The following C2CD3 variants were observed in gnomAD, a reference collection of about 807,000 sequenced individuals.
C2CD3 encodes C2 domain containing 3 centriole elongation regulator, also known as C2 domain-containing protein 3.
Under a neutral mutation model 234.0 loss-of-function variants are expected in C2CD3, and 148 were observed. The observed-to-expected ratio is 0.63, with a 90% CI of 0.55 to 0.72. The LOEUF (loss-of-function observed/expected upper bound fraction) is 0.72. Among genes scored for constraint, C2CD3 ranks in the 30% least tolerant of loss-of-function variants. The pLI is 0.00. For missense variants in C2CD3, 2,577 were observed against 2,811.5 expected (o/e 0.92, Z 1.89); for synonymous variants, 1,000 against 1,035.4 (o/e 0.97, Z 0.66).
In C2CD3 at chr11:74,123,094, G is replaced by C. The variant is rs147709320; in HGVS notation, c.1259C>G (p.Ser420Cys). 3 of 1,612,906 alleles carry C rather than the reference G, an allele frequency of 1.9e-6. No individual in the cohort carries two copies. Among genetic ancestry groups the C allele is most frequent in the Admixed American group, 1.7e-5 (1 of 60,006 alleles). Residue 420 changes from serine to cysteine, a missense_variant, in exon 8 of 33, where the codon TCT (serine) becomes TGT (cysteine). Physicochemically the swap from Ser to Cys is moderately radical, Grantham distance 112. Coordinates refer to ENST00000334126, the MANE Select transcript of C2CD3 (RefSeq NM_001286577.2). ...SQGNFWDGLG[S>C]PPDSPSPGSD... ...CCCAGGAGATGGGGAATCTGGAGGA[G>C]AGCCTAGCCCATCCCAGAAATTGCC... is the stretch of plus-strand genomic sequence containing the variant.
At position 74,103,409 on chromosome 11, in the gene C2CD3, G is replaced by T; in HGVS notation, c.2302C>A (p.Arg768=). 1 of 1,614,120 alleles carries T rather than the reference G, an allele frequency of 6.2e-7. No homozygotes were observed. The highest frequency in any genetic ancestry group is 8.5e-7 in the Non-Finnish European group (1 of 1,180,024). ...KKAQNLVLPN[R]KSPSPVAPHP... ...GGTGCTACAGGGCTTGGTGACTTTC[G>T]GTTGGGGAGCACCAAGTTCTGTGCT... Residue 768 remains arginine, a synonymous_variant, in exon 14 of 33, where the codon CGA becomes AGA. Transcript: ENST00000334126.
intron 25 of C2CD3, among the ~76,000 whole-genome samples, chr11:74,055,630 C>T (rs573329828): frequency 4.9e-4 from 74 of 152,240 alleles, no homozygotes; most frequent in Non-Finnish European, 9.6e-4. Context: ...GCTAGCTCTG[C>T]TATTATCACC....
At position 74,150,526 on chromosome 11, in the gene C2CD3, AC is replaced by A. The variant is rs1169500894; in HGVS notation, c.484-10699del. 8.4e-3 allele frequency among the ~76,000 whole-genome samples: 485 copies of A among 57,588 alleles called. 50 individuals carry two copies. Among genetic ancestry groups the A allele is most frequent in the African/African-American group, 0.028 (365 of 12,838 alleles). 37.8% of individuals were successfully genotyped at this position (57,588 alleles called of 152,430 possible). The stretch of plus-strand genomic sequence containing the variant: ...AAAAAAAAAAAAAAACAAAAAAAAA[AC>A]AAAACAAATTTCTAAGCTTTTTAAA... On this transcript the variant is annotated intron_variant, in intron 3 of 32. Transcript: ENST00000334126.
intron 7 of C2CD3, 25 bp from the exon 8 acceptor site, chr11:74,123,160 G>C (rs780434098): frequency 2.1e-5 from 34 of 1,588,896 alleles, no homozygotes; most frequent in Non-Finnish European, 2.9e-5. Context: ...AAACAAAGCA[G>C]AAGAATTTTA....
At chr11:74,039,279 G>A (rs1469130244) in intron 29 of C2CD3, among the ~76,000 whole-genome samples, 4 of 152,190 alleles carry the variant, frequency 2.6e-5, no homozygotes, top group African/African-American at 9.7e-5. Flanking sequence ...TGAAACACAG[G>A]TTTATTAATA....
At chr11:74,057,381 C>G in intron 25 of C2CD3, 25 bp downstream of exon 25, 1 of 1,613,514 alleles carries the variant, frequency 6.2e-7, no homozygotes, top group African/African-American at 1.3e-5. Flanking sequence ...TTCTGGAAGG[C>G]TGACGAATAA....
intron 24 of C2CD3, among the ~76,000 whole-genome samples, chr11:74,064,776 C>T (rs1305362058): frequency 6.6e-6 from 1 of 152,184 alleles, no homozygotes; most frequent in Non-Finnish European, 1.5e-5. Flanking sequence ...CACACATCTA[C>T]AACCATCTGA....
intron 13 of C2CD3, among the ~76,000 whole-genome samples, chr11:74,105,868 C>T (rs1020811025): frequency 1.3e-5 from 2 of 152,172 alleles, no homozygotes; most frequent in African/African-American, 4.8e-5. Flanking sequence ...CAGATGATGT[C>T]AGTCCCATGC....
chr11:74,153,495 T>C (rs1855813260), intron 3 of C2CD3, among the ~76,000 whole-genome samples: 1 of 152,188 alleles, frequency 6.6e-6, no homozygotes, highest in African/African-American at 2.4e-5. Flanking sequence ...TCAAAGTATA[T>C]GCAAGCCTGC....
chr11:74,136,663 A>G (rs180949217), intron 5 of C2CD3, among the ~76,000 whole-genome samples: 5 of 152,286 alleles, frequency 3.3e-5, no homozygotes, highest in South Asian at 2.1e-4. Context: ...TCAGTGCTCA[A>G]TAAGTGGCAG....
intron 26 of C2CD3, among the ~76,000 whole-genome samples, chr11:74,049,895 T>TAGGACTACTCAGTCCTACTAC (rs1203394879): frequency 0.057 from 8,626 of 152,066 alleles, 785 homozygotes; most frequent in African/African-American, 0.2. Context: ...ATCCTCCCTC[T>TAGGACTACTCAGTCCTACTAC]TCAGTCTCCC....
intron 8 of C2CD3, among the ~76,000 whole-genome samples, chr11:74,119,083 T>C (rs1957127335): frequency 6.6e-6 from 1 of 151,968 alleles, no homozygotes; most frequent in Non-Finnish European, 1.5e-5. Context: ...CTAATTTTTG[T>C]ATTTTTTGTA....
rs746177285 is a variant in C2CD3, at chr11:74,057,406, C to T, written c.5090G>A (p.Arg1697Lys). 1 of 1,614,096 alleles carries T rather than the reference C, an allele frequency of 6.2e-7. No individual in the cohort carries two copies. The highest frequency in any genetic ancestry group is 1.1e-5 in the South Asian group (1 of 91,082). The part of the protein sequence containing the change: ...SPIWNFQQQS[R>K]LSKELLLDPQ... The stretch of plus-strand genomic sequence containing the variant: ...CTGACGAATAACGGATAACACAAAC[C>T]TTGACTGCTGTTGAAAATTCCAGAT... Residue 1697 changes from arginine (R) to lysine (K), a missense_variant and splice_region_variant, in exon 25 of 33, where the codon AGG (arginine) becomes AAG (lysine). Coordinates refer to ENST00000334126, the MANE Select transcript of C2CD3 (RefSeq NM_001286577.2).
In C2CD3 at chr11:74,138,724, A is replaced by G; in HGVS notation, c.951T>C (p.Leu317=). 6.2e-7 allele frequency: 1 copy of G among 1,612,324 alleles called. No homozygotes were observed. Among genetic ancestry groups the G allele is most frequent in the Non-Finnish European group, 8.5e-7 (1 of 1,178,406 alleles). ...SSNNLPTKDL[L]SALLEQGNKL... ...AGTTCACAAATACATACATACCTGA[A>G]AGAAGATCCTTGGTAGGGAGGTTGT... The change falls in exon 5 of 33, where the codon CTT becomes CTC. Residue 317 remains leucine, a synonymous_variant. Coordinates refer to ENST00000334126, the MANE Select transcript of C2CD3 (RefSeq NM_001286577.2).
In C2CD3 at chr11:74,118,325, T is replaced by C. The variant is rs539141247; in HGVS notation, c.1423A>G (p.Lys475Glu). Residue 475 changes from lysine to glutamate, a missense_variant, in exon 9 of 33, where the codon AAA becomes GAA. Physicochemically the swap from Lys to Glu is moderately conservative, Grantham distance 56. Transcript: ENST00000334126. Reference sequence around the variant, plus strand: ...AGAGCTGTTGACTGGCTTATTTTTTTAGAAGGGACGATATCATCCTCTTCA... The same window carrying C: ...AGAGCTGTTGACTGGCTTATTTTTTCAGAAGGGACGATATCATCCTCTTCA... ...LSEEDDIVPS[K>E]KISQSTALAR... 163 of 1,613,086 alleles carry C rather than the reference T, an allele frequency of 1.0e-4. No homozygotes were observed. In the South Asian group the frequency reaches 1.6e-3, roughly 16 times the overall value.
At chr11:74,101,801 A>G (rs948315783) in intron 14 of C2CD3, among the ~76,000 whole-genome samples, 4 of 152,084 alleles carry the variant, frequency 2.6e-5, no homozygotes, top group South Asian at 2.1e-4. Flanking sequence ...GCTATCTAGT[A>G]TAAGGGGAAG....
chr11:74,110,917 G>A (rs531204161), intron 11 of C2CD3, among the ~76,000 whole-genome samples: 1 of 152,316 alleles, frequency 6.6e-6, no homozygotes, highest in East Asian at 1.9e-4. Context: ...TATGATTAGT[G>A]TGTGGTATAA....
chr11:74,145,367 GAA>G (rs1298303207), intron 3 of C2CD3, among the ~76,000 whole-genome samples: 2 of 152,102 alleles, frequency 1.3e-5, no homozygotes, highest in Admixed American at 1.3e-4. Flanking sequence ...GTCTTCTTTT[GAA>G]AAGTGTCTGT....
intron 25 of C2CD3, among the ~76,000 whole-genome samples, chr11:74,055,242 G>T (rs555062298): frequency 1.1e-4 from 16 of 152,292 alleles, no homozygotes; most frequent in Non-Finnish European, 2.2e-4. Context: ...GTAGGGCTAG[G>T]ATTTAAACCC....
Sources: allele counts gnomAD v4.1 joint callset (sites outside exome capture counted in the v4.1 genomes callset), GRCh38; gene constraint gnomAD v4.1.1; transcripts MANE v1.5; gene names NCBI Gene and HGNC (gene_info 2026-07-23, HGNC 2026-07-21).